The following DLG2 variants were observed in gnomAD, a reference collection of about 807,000 sequenced individuals.
DLG2 encodes disks large homolog 2.
Under a neutral mutation model 132.5 loss-of-function variants are expected in DLG2, and 45 were observed. That is an observed-to-expected ratio of 0.34 (90% confidence interval 0.27 to 0.44). DLG2 has a LOEUF of 0.44. Among genes scored for constraint, DLG2 ranks in the 20% least tolerant of loss-of-function variants. DLG2 has a pLI of 1.00. For synonymous variants in DLG2, 424 were observed against 419.6 expected (o/e 1.01, Z -0.13); for missense variants, 1,045 against 1,196.9 (o/e 0.87, Z 1.87).
At chr11:84,551,205 A>G (rs2099401154) in intron 6 of DLG2, among the ~76,000 whole-genome samples, 1 of 152,226 alleles carries the variant, frequency 6.6e-6, no homozygotes, top group Admixed American at 6.5e-5. Context: ...GTTTCCTCAA[A>G]TAAGGTTGCT....
At chr11:85,600,821 T>C (rs541735715) in intron 2 of DLG2, among the ~76,000 whole-genome samples, 58 of 152,240 alleles carry the variant, frequency 3.8e-4, no homozygotes, top group Middle Eastern at 3.2e-3. Context: ...TGTACTAATA[T>C]CAATGTAACA....
chr11:83,801,723 AC>A (rs2044442571), intron 17 of DLG2, among the ~76,000 whole-genome samples: 1 of 152,148 alleles, frequency 6.6e-6, no homozygotes, highest in Non-Finnish European at 1.5e-5. Flanking sequence ...TTACTTTCTT[AC>A]AGAATTTAGG....
intron 8 of DLG2, among the ~76,000 whole-genome samples, chr11:84,210,471 G>A (rs1374326850): frequency 2.7e-5 from 4 of 149,460 alleles, no homozygotes; most frequent in Non-Finnish European, 5.9e-5. Flanking sequence ...CACCAGCATG[G>A]CACATGTATA....
At chr11:83,546,600 T>C (rs1242899026) in intron 19 of DLG2, among the ~76,000 whole-genome samples, 1 of 152,104 alleles carries the variant, frequency 6.6e-6, no homozygotes, top group African/African-American at 2.4e-5. Context: ...GAAAATGAGA[T>C]ATAAAGAGCT....
chr11:84,202,359 C>T (rs1475504543), intron 8 of DLG2, among the ~76,000 whole-genome samples: 1 of 152,144 alleles, frequency 6.6e-6, no homozygotes, highest in Admixed American at 6.5e-5. Flanking sequence ...TGAAAATAAG[C>T]AATGAGGAAA....
intron 9 of DLG2, among the ~76,000 whole-genome samples, chr11:84,136,472 T>A (rs1443371154): frequency 6.6e-6 from 1 of 152,198 alleles, no homozygotes; most frequent in Non-Finnish European, 1.5e-5. Context: ...TGTTATTACA[T>A]CATCATCACA....
chr11:85,443,912 T>C (rs2091896063), intron 3 of DLG2, among the ~76,000 whole-genome samples: 1 of 152,218 alleles, frequency 6.6e-6, no homozygotes, highest in East Asian at 1.9e-4. Flanking sequence ...CAGGAGTATG[T>C]TTGTGAAATA....
intron 16 of DLG2, among the ~76,000 whole-genome samples, chr11:83,858,656 T>C (rs2037195): frequency 0.011 from 1,695 of 152,256 alleles, 16 homozygotes; most frequent in Middle Eastern, 0.031. Context: ...GACATTATTA[T>C]AAAGCAGCTC....
chr11:84,189,707 A>C (rs1030407556), intron 8 of DLG2, among the ~76,000 whole-genome samples: 1 of 152,222 alleles, frequency 6.6e-6, no homozygotes, highest in Admixed American at 6.5e-5. Flanking sequence ...TATTCTCAAC[A>C]AACTAATGCA....
intron 3 of DLG2, among the ~76,000 whole-genome samples, chr11:85,355,221 GTGCAAGGTA>G (rs553415238): frequency 1.1e-3 from 175 of 152,224 alleles, no homozygotes; most frequent in African/African-American, 4.1e-3. Context: ...TTTTCATTAT[GTGCAAGGTA>G]TTTTTCTAGG....
intron 17 of DLG2, among the ~76,000 whole-genome samples, chr11:83,820,211 G>T (rs1234550486): frequency 9.2e-5 from 14 of 151,972 alleles, no homozygotes; most frequent in Non-Finnish European, 1.0e-4. Context: ...GGGAACAATA[G>T]GTTCATAGGC....
At chr11:84,900,671 G>A (rs2090772518) in intron 6 of DLG2, among the ~76,000 whole-genome samples, 2 of 151,966 alleles carry the variant, frequency 1.3e-5, no homozygotes, top group Admixed American at 6.6e-5. Flanking sequence ...TTATGTTCAT[G>A]CATAACTGGA....
intron 18 of DLG2, among the ~76,000 whole-genome samples, chr11:83,756,814 C>T (rs927792284): frequency 6.8e-6 from 1 of 146,304 alleles, no homozygotes; most frequent in Non-Finnish European, 1.5e-5. Flanking sequence ...TCTTGGAGTT[C>T]ATTATTAACA....
intron 6 of DLG2, among the ~76,000 whole-genome samples, chr11:84,950,332 C>T (rs937110112): frequency 2.0e-5 from 3 of 151,976 alleles, no homozygotes; most frequent in African/African-American, 7.3e-5. Context: ...AATTCCAAGC[C>T]CTAGTCAGAG....
At chr11:85,016,711 A>T (rs2059607436) in intron 6 of DLG2, among the ~76,000 whole-genome samples, 1 of 151,936 alleles carries the variant, frequency 6.6e-6, no homozygotes, top group Non-Finnish European at 1.5e-5. Context: ...CCCTCAAAAA[A>T]CTTCTCAATC....
In DLG2 at chr11:84,056,874, C is replaced by T. The variant is rs79775245; in HGVS notation, c.919+2441G>A. On this transcript the variant is annotated intron_variant, in intron 11 of 27. Transcript: ENST00000376104. ...CGACAGTAGAAAGAAGTATGACTGA[C>T]TCAGCATAACCGCAACAGGCCCAAT... Among the ~76,000 whole-genome samples, 96 of 152,252 alleles carry T rather than the reference C, an allele frequency of 6.3e-4. 2 individuals are homozygous for T. In the East Asian group the frequency reaches 0.013, roughly 20 times the overall value.
chr11:85,200,095 T>C (rs2081350466), intron 4 of DLG2, among the ~76,000 whole-genome samples: 1 of 152,082 alleles, frequency 6.6e-6, no homozygotes, highest in Non-Finnish European at 1.5e-5. Flanking sequence ...TGAATTCAGA[T>C]AGGAGGTTGT....
At chr11:83,493,362 TCC>T (rs2093972886) in intron 21 of DLG2, among the ~76,000 whole-genome samples, 3 of 62,352 alleles carry the variant, frequency 4.8e-5, no homozygotes, top group Middle Eastern at 9.6e-3. Context: ...CTTCCTTCCT[TCC>T]TTCCTTCCTT....
intron 21 of DLG2, among the ~76,000 whole-genome samples, chr11:83,491,287 C>T (rs1365484992): frequency 2.6e-5 from 4 of 151,626 alleles, no homozygotes; most frequent in African/African-American, 4.8e-5. Flanking sequence ...CAAATCCCAA[C>T]GACTATCACT....
Sources: gnomAD v4.1 joint callset for allele counts (sites outside exome capture counted in the v4.1 genomes callset) on GRCh38, gnomAD v4.1.1 for gene constraint, MANE v1.5 for transcripts, NCBI Gene and HGNC (gene_info 2026-07-23, HGNC 2026-07-21) for gene names.